SYNJ1: variants seen among roughly 807,000 people sequenced by gnomAD.
The protein encoded by SYNJ1 is synaptojanin 1.
In SYNJ1, 78 loss-of-function variants were observed where a neutral mutation model predicts 168.2. The observed-to-expected ratio is 0.46, with a 90% CI of 0.39 to 0.56. The LOEUF (loss-of-function observed/expected upper bound fraction) is 0.56. Ranked by LOEUF, SYNJ1 falls within the 20% of genes least tolerant of loss-of-function variation. The pLI is 0.00. For missense variants in SYNJ1, 1,303 were observed against 1,597.6 expected (o/e 0.82, Z 3.14); for synonymous variants, 539 against 548.6 (o/e 0.98, Z 0.24).
At chr21:32,652,636 T>C (rs965021690) in intron 22 of SYNJ1, among the ~76,000 whole-genome samples, 4 of 152,202 alleles carry the variant, frequency 2.6e-5, no homozygotes, top group East Asian at 1.9e-4. Context: ...ACTGACTATA[T>C]ACTTAGAAAT....
At chr21:32,695,534 A>T (rs2042171184) in intron 4 of SYNJ1, among the ~76,000 whole-genome samples, 1 of 152,062 alleles carries the variant, frequency 6.6e-6, no homozygotes, top group Admixed American at 6.5e-5. Context: ...CATTTCTGTT[A>T]TGTCTTTATA....
intron 12 of SYNJ1, among the ~76,000 whole-genome samples, chr21:32,678,426 T>C (rs2041494954): frequency 6.6e-6 from 1 of 152,152 alleles, no homozygotes; most frequent in Admixed American, 6.6e-5. Context: ...GAAGAAACCA[T>C]GCAAGGGCCT....
rs571302169 is a variant in SYNJ1, at chr21:32,630,866, A to G, written c.*939T>C. Reference sequence around the variant, plus strand: ...ACATAGTCCAACTCTGTACACATCAAATAGTGGTGTTTTGTGAAGATATCA... The same window carrying G: ...ACATAGTCCAACTCTGTACACATCAGATAGTGGTGTTTTGTGAAGATATCA... On this transcript the variant is annotated 3_prime_UTR_variant, in exon 33 of 33. Transcript: ENST00000674351. 2 of 892,190 alleles carry G rather than the reference A, an allele frequency of 2.2e-6. No individual in the cohort carries two copies. Among genetic ancestry groups the G allele is most frequent in the East Asian group, 5.3e-5 (2 of 37,746 alleles). The allele number at this position is 892,190 out of a possible 1,614,324, so 55.3% of individuals were successfully genotyped here.
intron 1 of SYNJ1, chr21:32,727,693 G>T: frequency 1.4e-6 from 1 of 692,626 alleles, no homozygotes; most frequent in Non-Finnish European, 2.2e-6. Context: ...CCGGCGCCCA[G>T]GCGGATTCGG....
chr21:32,643,295 G>T, intron 27 of SYNJ1, 115 bp downstream of exon 27: 1 of 1,074,694 alleles, frequency 9.3e-7, no homozygotes, highest in Non-Finnish European at 1.4e-6. Flanking sequence ...GAAGTTTACA[G>T]CTGGACCAAG....
intron 2 of SYNJ1, among the ~76,000 whole-genome samples, chr21:32,723,231 A>C (rs2043314161): frequency 6.6e-6 from 1 of 152,210 alleles, no homozygotes; most frequent in African/African-American, 2.4e-5. Flanking sequence ...TTTTACTTGC[A>C]ATCTTTTGGT....
At chr21:32,671,420 C>T (rs935921368) in intron 14 of SYNJ1, among the ~76,000 whole-genome samples, 3 of 152,160 alleles carry the variant, frequency 2.0e-5, no homozygotes, top group African/African-American at 7.2e-5. Context: ...CTTATTTAAA[C>T]TGCCATAAAA....
intron 2 of SYNJ1, among the ~76,000 whole-genome samples, chr21:32,720,783 G>C (rs567705287): frequency 1.3e-5 from 2 of 152,152 alleles, no homozygotes; most frequent in Non-Finnish European, 2.9e-5. Flanking sequence ...CATCTTTTAC[G>C]TAGAGGTCCA....
At chr21:32,638,417 C>T (rs1175972378) in intron 31 of SYNJ1, among the ~76,000 whole-genome samples, 1 of 152,200 alleles carries the variant, frequency 6.6e-6, no homozygotes, top group Non-Finnish European at 1.5e-5. Flanking sequence ...TCAGAGTAGG[C>T]TGGGCATGGT....
At chr21:32,632,804 G>A (rs535937517) in intron 32 of SYNJ1, among the ~76,000 whole-genome samples, 55 of 152,268 alleles carry the variant, frequency 3.6e-4, no homozygotes, top group African/African-American at 1.3e-3. Flanking sequence ...TGGATCACCT[G>A]AGGTCAGGAG....
chr21:32,642,382 A>C (rs1308841799), intron 27 of SYNJ1, among the ~76,000 whole-genome samples: 2 of 151,674 alleles, frequency 1.3e-5, no homozygotes, highest in Non-Finnish European at 2.9e-5. Context: ...TTAGTTTGAT[A>C]TCTCACTCAT....
chr21:32,673,664 G>A, intron 13 of SYNJ1, 133 bp from the exon 14 acceptor site: 1 of 682,284 alleles, frequency 1.5e-6, no homozygotes. Context: ...AAAGATACAG[G>A]CACAGGCACA....
At chr21:32,715,238 T>C (rs1019872527) in intron 2 of SYNJ1, among the ~76,000 whole-genome samples, 4 of 152,176 alleles carry the variant, frequency 2.6e-5, no homozygotes, top group African/African-American at 9.6e-5. Flanking sequence ...TTTGGGGAGC[T>C]GAGGCAGGTG....
chr21:32,666,373 G>A (rs1601347635), intron 16 of SYNJ1, 60 bp downstream of exon 16: 2 of 1,557,248 alleles, frequency 1.3e-6, no homozygotes, highest in South Asian at 1.2e-5. Flanking sequence ...AACATTCTAG[G>A]CTTTTTTCTT....
intron 15 of SYNJ1, among the ~76,000 whole-genome samples, chr21:32,669,936 A>T (rs1458457262): frequency 6.6e-6 from 1 of 152,204 alleles, no homozygotes; most frequent in African/African-American, 2.4e-5. Flanking sequence ...CACCCTTCTC[A>T]GTAAATTTTT....
intron 6 of SYNJ1, among the ~76,000 whole-genome samples, chr21:32,691,664 C>T (rs1191750859): frequency 6.6e-6 from 1 of 152,224 alleles, no homozygotes; most frequent in Non-Finnish European, 1.5e-5. Context: ...GTCATTCTTA[C>T]TTGTGTAACA....
chr21:32,707,845 C>T (rs1314970906), intron 2 of SYNJ1, among the ~76,000 whole-genome samples: 2 of 152,070 alleles, frequency 1.3e-5, no homozygotes, highest in Non-Finnish European at 2.9e-5. Flanking sequence ...GGTGAAACCC[C>T]GTCTCTATTA....
At chr21:32,695,979 T>C (rs2042197676) in intron 4 of SYNJ1, among the ~76,000 whole-genome samples, 1 of 152,130 alleles carries the variant, frequency 6.6e-6, no homozygotes, top group African/African-American at 2.4e-5. Flanking sequence ...CCTGAGTAGC[T>C]GGGACCACAG....
chr21:32,653,752 AC>A (rs1349461316), intron 21 of SYNJ1: 1 of 155,326 alleles, frequency 6.4e-6, no homozygotes, highest in African/African-American at 2.4e-5. Flanking sequence ...TCCGGACCCC[AC>A]AACCCAGTAC....
Sources: gnomAD v4.1 joint callset for allele counts (sites outside exome capture counted in the v4.1 genomes callset) on GRCh38, gnomAD v4.1.1 for gene constraint, MANE v1.5 for transcripts, NCBI Gene and HGNC (gene_info 2026-07-23, HGNC 2026-07-21) for gene names.